Variants in NECTIN3 observed in about 807,000 individuals in gnomAD.
The protein encoded by NECTIN3 is nectin cell adhesion molecule 3, also known as nectin-3.
A neutral mutation model predicts 49.4 loss-of-function variants in NECTIN3; 8 were observed. The ratio of observed to expected loss-of-function variants is 0.16; its 90% CI spans 0.10 to 0.29. NECTIN3 has a LOEUF of 0.29. Among genes scored for constraint, NECTIN3 ranks in the 10% least tolerant of loss-of-function variants. NECTIN3 has a pLI of 1.00. For synonymous variants in NECTIN3, 277 were observed against 241.1 expected, an observed-to-expected ratio of 1.15 and a Z score of -1.38; for missense variants, 581 against 654.6, an observed-to-expected ratio of 0.89 and a Z score of 1.23.
intron 7 of NECTIN3, among the ~76,000 whole-genome samples, chr3:111,185,768 A>C (rs1228416344): frequency 1.3e-5 from 2 of 152,220 alleles, no homozygotes; most frequent in Non-Finnish European, 2.9e-5. Context: ...TGAATGAAAA[A>C]TAATTTCAAC....
intron 2 of NECTIN3, among the ~76,000 whole-genome samples, chr3:111,112,657 G>A (rs1325554028): frequency 6.6e-6 from 1 of 151,880 alleles, no homozygotes; most frequent in Non-Finnish European, 1.5e-5. Context: ...CTGAGTTTCT[G>A]TGACATCTTT....
Position 111,136,218 on chromosome 3 carries a change from T to A in NECTIN3, c.*2003T>A, listed in dbSNP as rs1467325432. The A allele has an allele frequency of 1.0e-6, 1 of 963,266 alleles. No individual in the cohort carries two copies. The highest frequency in any genetic ancestry group is 1.2e-6 in the Non-Finnish European group (1 of 810,170). The allele number at this position is 963,266 out of a possible 1,614,324, so 59.7% of individuals were successfully genotyped here. A position where few individuals can be genotyped will look rare whatever the true frequency, so the allele number is the denominator to read the frequency against. On this transcript the variant is annotated 3_prime_UTR_variant, in exon 6 of 6. Coordinates refer to ENST00000485303, the MANE Select transcript of NECTIN3 (RefSeq NM_015480.3). Reference sequence around the variant, plus strand: ...ATGGATCTGAACAGAATAATCACATTTAGGATTCTATATAAATCTCAACTG... The same window carrying A: ...ATGGATCTGAACAGAATAATCACATATAGGATTCTATATAAATCTCAACTG...
At chr3:111,192,168 G>C (rs2035824104), upstream of NECTIN3, among the ~76,000 whole-genome samples, 2 of 152,184 alleles carry the variant, frequency 1.3e-5, no homozygotes, top group Admixed American at 1.3e-4. Flanking sequence ...AGAGCCAGGA[G>C]AGAGTGAGTG....
intron 7 of NECTIN3, among the ~76,000 whole-genome samples, chr3:111,156,893 A>G (rs970561054): frequency 1.3e-5 from 2 of 152,192 alleles, no homozygotes; most frequent in African/African-American, 4.8e-5. Context: ...AGGTTTTTGT[A>G]TAATAACATC....
At chr3:111,151,253 G>A (rs1024968770) in intron 7 of NECTIN3, among the ~76,000 whole-genome samples, 2 of 151,762 alleles carry the variant, frequency 1.3e-5, no homozygotes, top group East Asian at 1.9e-4. Flanking sequence ...TATGTATTCC[G>A]ATAAACAGGT....
chr3:111,176,249 A>G (rs1254190699), intron 7 of NECTIN3, among the ~76,000 whole-genome samples: 1 of 152,236 alleles, frequency 6.6e-6, no homozygotes, highest in Non-Finnish European at 1.5e-5. Context: ...ATTGAAAACA[A>G]GAAAAATCCT....
intron 1 of NECTIN3, among the ~76,000 whole-genome samples, chr3:111,107,121 A>AT (rs201893623): frequency 1.2e-4 from 18 of 151,108 alleles, no homozygotes; most frequent in East Asian, 1.2e-3. Context: ...ATCTCCCTTC[A>AT]TTTTTTTTTA....
intron 5 of NECTIN3, among the ~76,000 whole-genome samples, 161 bp downstream of exon 5, chr3:111,126,496 T>C (rs1447170462): frequency 6.6e-6 from 1 of 152,192 alleles, no homozygotes; most frequent in Non-Finnish European, 1.5e-5. Context: ...AATAATCCTA[T>C]CCTGAGATAG....
chr3:111,158,156 T>C (rs2035135876), intron 7 of NECTIN3, among the ~76,000 whole-genome samples: 1 of 152,114 alleles, frequency 6.6e-6, no homozygotes, highest in Admixed American at 6.5e-5. Flanking sequence ...CTCACATAGA[T>C]ACTAGAAGCT....
chr3:111,102,344 C>T lies in NECTIN3; in HGVS notation c.161-9686C>T, dbSNP rs925483629. ...ACTTAGTACCTCAGTTGCAATAGTT[C>T]TTTAGCTATATTGGTTTCTATAATC... is the stretch of plus-strand genomic sequence containing the variant. On this transcript the variant is annotated intron_variant, in intron 1 of 5. Transcript: ENST00000485303. Among the ~76,000 whole-genome samples the T allele has an allele frequency of 2.0e-5, 3 of 152,284 alleles. No individual in the cohort carries two copies. In the South Asian group the frequency reaches 6.2e-4, roughly 32 times the overall value.
At chr3:111,080,103 T>C (rs555484973) in intron 1 of NECTIN3, among the ~76,000 whole-genome samples, 1 of 152,250 alleles carries the variant, frequency 6.6e-6, no homozygotes, top group South Asian at 2.1e-4. Context: ...TAATTAGTAA[T>C]ACTAATTAGC....
intron 2 of NECTIN3, among the ~76,000 whole-genome samples, chr3:111,115,531 G>A (rs1465469393): frequency 1.3e-5 from 2 of 152,168 alleles, no homozygotes. Context: ...TAGGCTTATT[G>A]AATGATAGTC....
At chr3:111,100,547 A>T (rs1432848834) in intron 1 of NECTIN3, among the ~76,000 whole-genome samples, 1 of 152,104 alleles carries the variant, frequency 6.6e-6, no homozygotes, top group Non-Finnish European at 1.5e-5. Context: ...AATATTTCAA[A>T]ATAAGAAAAA....
At position 111,136,515 on chromosome 3, in the gene NECTIN3, T is replaced by C. The variant is rs904591990; in HGVS notation, c.*2300T>C. 5.1e-5 allele frequency: 50 copies of C among 979,976 alleles called. No individual in the cohort carries two copies. 60.7% of individuals were successfully genotyped at this position (979,976 alleles called of 1,614,324 possible). On this transcript the variant is annotated 3_prime_UTR_variant, in exon 6 of 6. Transcript: ENST00000485303. ...CTAGTGCTTAAGACTTTGGGAAGCA[T>C]TGCACTGTTGTTTATTAGAACTTTA...
intron 1 of NECTIN3, among the ~76,000 whole-genome samples, chr3:111,081,100 AC>A (rs2031573223): frequency 6.6e-6 from 1 of 152,032 alleles, no homozygotes; most frequent in African/African-American, 2.4e-5. Flanking sequence ...ACATAGTGAG[AC>A]CTCGTCTCTG....
intron 1 of NECTIN3, among the ~76,000 whole-genome samples, chr3:111,091,175 CTTT>C (rs1450414465): frequency 2.0e-5 from 3 of 152,132 alleles, no homozygotes; most frequent in Non-Finnish European, 1.5e-5. Context: ...TAATTTACTT[CTTT>C]GTCTTTAAAC....
At chr3:111,118,497 T>G (rs2033804413) in intron 2 of NECTIN3, among the ~76,000 whole-genome samples, 159 bp from the exon 3 acceptor site, 1 of 151,810 alleles carries the variant, frequency 6.6e-6, no homozygotes, top group Non-Finnish European at 1.5e-5. Context: ...CTTTTGTTTT[T>G]CCAAGAATGT....
intron 3 of NECTIN3, among the ~76,000 whole-genome samples, chr3:111,120,686 C>T (rs1334066541): frequency 2.0e-5 from 3 of 152,082 alleles, no homozygotes; most frequent in African/African-American, 7.2e-5. Context: ...GTCTCTCTCT[C>T]TAGTTTCTCA....
At chr3:111,153,222 T>C (rs918406645) in intron 7 of NECTIN3, among the ~76,000 whole-genome samples, 8 of 151,950 alleles carry the variant, frequency 5.3e-5, no homozygotes, top group Non-Finnish European at 1.2e-4. Context: ...TTGAGACAAG[T>C]AGTGAAAGAA....
Sources: gnomAD v4.1 joint callset for allele counts (sites outside exome capture counted in the v4.1 genomes callset) on GRCh38, gnomAD v4.1.1 for gene constraint, MANE v1.5 for transcripts, NCBI Gene and HGNC (gene_info 2026-07-23, HGNC 2026-07-21) for gene names.